TACR1: variants seen among roughly 807,000 people sequenced by gnomAD.
TACR1 encodes the protein substance-P receptor.
TACR1 carries 25 observed loss-of-function variants against 35.8 expected under a neutral mutation model. The ratio of observed to expected loss-of-function variants is 0.70; its 90% confidence interval spans 0.51 to 0.98. The LOEUF is 0.98. Among genes scored for constraint, TACR1 ranks in the 50% least tolerant of loss-of-function variants. TACR1 has a pLI of 0.00. For synonymous variants in TACR1, 195 were observed against 206.7 expected (o/e 0.94, Z 0.48); for missense variants, 478 against 522.9 (o/e 0.91, Z 0.84).
At chr2:75,130,531 A>G (rs901722771) in intron 1 of TACR1, among the ~76,000 whole-genome samples, 5 of 152,210 alleles carry the variant, frequency 3.3e-5, no homozygotes, top group African/African-American at 7.2e-5. Context: ...ACAACTGTTT[A>G]TTTATTTTTG....
chr2:75,081,758 T>G (rs1237490301), intron 2 of TACR1, among the ~76,000 whole-genome samples: 2 of 152,126 alleles, frequency 1.3e-5, no homozygotes, highest in Non-Finnish European at 2.9e-5. Flanking sequence ...GATAGAGATT[T>G]TAATTCATCA....
At chr2:75,053,819 G>T in intron 2 of TACR1, 64 bp from the exon 3 acceptor site, 4 of 1,592,904 alleles carry the variant, frequency 2.5e-6, no homozygotes, top group Non-Finnish European at 3.4e-6. Flanking sequence ...TTTAATTTTT[G>T]TTATTGTTAT....
Position 75,121,179 on chromosome 2 carries a change from T to G in TACR1, c.390-411A>C, listed in dbSNP as rs145957275. Among the ~76,000 whole-genome samples, 558 of 152,352 alleles carry G rather than the reference T, an allele frequency of 3.7e-3. 3 individuals are homozygous for G. The highest frequency in any genetic ancestry group is 0.017 in the Middle Eastern group (5 of 294). ...GATAATGGTGATCAGAATAGTACTT[T>G]TTTTCAGTCCTTATGTGATATTATA... On this transcript the variant is annotated intron_variant, in intron 1 of 4. Transcript: ENST00000305249.
intron 1 of TACR1, chr2:75,188,114 C>T (rs1300171673): frequency 6.6e-6 from 1 of 152,222 alleles, no homozygotes; most frequent in African/African-American, 2.4e-5. Context: ...AAGCTCAGGG[C>T]TGCATTCATT....
chr2:75,131,297 C>G (rs1389771316), intron 1 of TACR1, among the ~76,000 whole-genome samples: 5 of 152,108 alleles, frequency 3.3e-5, no homozygotes, highest in African/African-American at 1.2e-4. Context: ...ACTGTGTTAG[C>G]CAGGATGGTC....
chr2:75,182,984 A>T (rs984637114), intron 1 of TACR1, among the ~76,000 whole-genome samples: 1 of 152,198 alleles, frequency 6.6e-6, no homozygotes, highest in Non-Finnish European at 1.5e-5. Flanking sequence ...TATTTCTCCC[A>T]ATTGACTGTA....
intron 1 of TACR1, among the ~76,000 whole-genome samples, chr2:75,185,099 A>G (rs939826155): frequency 5.9e-5 from 9 of 152,034 alleles, no homozygotes; most frequent in Admixed American, 3.9e-4. Flanking sequence ...AAGCCTAAAT[A>G]TAAATAAAAT....
chr2:75,146,421 C>A (rs138053735), intron 1 of TACR1, among the ~76,000 whole-genome samples: 113 of 152,312 alleles, frequency 7.4e-4, no homozygotes, highest in African/African-American at 2.7e-3. Context: ...CCATGCCCGG[C>A]CAGCAGCATC....
chr2:75,111,479 A>T (rs1673749337), intron 2 of TACR1, among the ~76,000 whole-genome samples: 1 of 152,032 alleles, frequency 6.6e-6, no homozygotes, highest in African/African-American at 2.4e-5. Context: ...AAACCACTGG[A>T]TTTCTTCACT....
At chr2:75,157,736 T>C (rs1442011879) in intron 1 of TACR1, among the ~76,000 whole-genome samples, 1 of 152,226 alleles carries the variant, frequency 6.6e-6, no homozygotes, top group African/African-American at 2.4e-5. Flanking sequence ...TTCAGGGAGA[T>C]GTGGGTTTTA....
chr2:75,063,493 C>T (rs1295854468), intron 2 of TACR1, among the ~76,000 whole-genome samples: 1 of 152,200 alleles, frequency 6.6e-6, no homozygotes, highest in African/African-American at 2.4e-5. Flanking sequence ...AGAAGAAACT[C>T]CAAATATTTT....
chr2:75,072,163 A>C (rs1284684950), intron 2 of TACR1, among the ~76,000 whole-genome samples: 2 of 152,034 alleles, frequency 1.3e-5, no homozygotes, highest in Admixed American at 1.3e-4. Context: ...GCTCAGGAGG[A>C]GCAGGAACAG....
chr2:75,182,025 A>G (rs1333417094), intron 1 of TACR1, among the ~76,000 whole-genome samples: 2 of 152,214 alleles, frequency 1.3e-5, no homozygotes, highest in Non-Finnish European at 2.9e-5. Context: ...TCAGTGATGT[A>G]CTCAAGGGAA....
At chr2:75,058,316 A>G (rs1672610511) in intron 2 of TACR1, among the ~76,000 whole-genome samples, 1 of 152,202 alleles carries the variant, frequency 6.6e-6, no homozygotes, top group African/African-American at 2.4e-5. Flanking sequence ...TTATATGTAT[A>G]TATTTGTTAA....
intron 1 of TACR1, among the ~76,000 whole-genome samples, chr2:75,168,844 G>A (rs1675208105): frequency 6.6e-6 from 1 of 152,122 alleles, no homozygotes; most frequent in Non-Finnish European, 1.5e-5. Flanking sequence ...ATGATGAAAT[G>A]TGAATATAGT....
intron 2 of TACR1, among the ~76,000 whole-genome samples, chr2:75,094,859 A>ATATATATATATATTTTTTTTTT: frequency 7.1e-5 from 8 of 113,104 alleles, no homozygotes; most frequent in African/African-American, 3.8e-4. Flanking sequence ...ATATATATAT[A>ATATATATATATATTTTTTTTTT]TTTTTTTTTT....
chr2:75,080,722 CT>C (rs1213038346), intron 2 of TACR1, among the ~76,000 whole-genome samples: 1 of 152,288 alleles, frequency 6.6e-6, no homozygotes, highest in East Asian at 1.9e-4. Context: ...CCATTGCCTA[CT>C]TCCCAGGCCT....
intron 1 of TACR1, among the ~76,000 whole-genome samples, chr2:75,161,351 G>C (rs1675005187): frequency 6.6e-6 from 1 of 151,968 alleles, no homozygotes; most frequent in Non-Finnish European, 1.5e-5. Context: ...GCTCTTTAAA[G>C]AGAAAATATA....
intron 2 of TACR1, among the ~76,000 whole-genome samples, chr2:75,059,094 T>G (rs187245971): frequency 3.8e-4 from 58 of 152,318 alleles, no homozygotes; most frequent in African/African-American, 1.2e-3. Context: ...TGATATTGTT[T>G]CGGGGTGGGT....
Sources: allele counts gnomAD v4.1 joint callset (sites outside exome capture counted in the v4.1 genomes callset), GRCh38; gene constraint gnomAD v4.1.1; transcripts MANE v1.5; gene names NCBI Gene and HGNC (gene_info 2026-07-23, HGNC 2026-07-21).